The following MAPK14 variants were observed in gnomAD, a reference collection of about 807,000 sequenced individuals.
The protein encoded by MAPK14 is CSAID-binding protein.
A neutral mutation model predicts 49.6 loss-of-function variants in MAPK14; 16 were observed. The observed-to-expected ratio is 0.32, with a 90% CI of 0.22 to 0.49. The LOEUF is 0.49. MAPK14 is among the 20% of genes least tolerant of loss of function. The pLI, the probability that MAPK14 is intolerant of heterozygous loss-of-function variation, is 0.99. For missense variants in MAPK14, 200 were observed against 441.2 expected (o/e 0.45, Z 4.90); for synonymous variants, 142 against 158.0 (o/e 0.90, Z 0.76).
chr6:36,106,839 C>A (rs2127476264), intron 10 of MAPK14, among the ~76,000 whole-genome samples: 1 of 151,988 alleles, frequency 6.6e-6, no homozygotes, highest in South Asian at 2.1e-4. Flanking sequence ...CATGTAAAAC[C>A]CCCAGTTTAT....
chr6:36,035,015 C>T (rs1762687417), intron 1 of MAPK14, among the ~76,000 whole-genome samples: 1 of 151,466 alleles, frequency 6.6e-6, no homozygotes, highest in Admixed American at 6.6e-5. Flanking sequence ...TCTCCTGCCT[C>T]AGCCTCCCAA....
At chr6:36,037,122 T>C (rs1423505119) in intron 1 of MAPK14, among the ~76,000 whole-genome samples, 1 of 152,190 alleles carries the variant, frequency 6.6e-6, no homozygotes, top group Non-Finnish European at 1.5e-5. Context: ...TAGACTACAG[T>C]ATCATGTAAA....
the MAPK14 span, among the ~76,000 whole-genome samples, chr6:36,121,127 G>A: frequency 6.6e-6 from 1 of 152,030 alleles, no homozygotes; most frequent in Admixed American, 6.6e-5. Flanking sequence ...AAGCAAAGAC[G>A]TGGTGACAGG....
chr6:36,075,685 C>T, intron 6 of MAPK14, 163 bp from the exon 7 acceptor site: 1 of 887,394 alleles, frequency 1.1e-6, no homozygotes, highest in Non-Finnish European at 1.8e-6. Context: ...TGTATATTTA[C>T]CATACATTCT....
chr6:36,099,320 G>A (rs1431677110), intron 9 of MAPK14, among the ~76,000 whole-genome samples: 1 of 152,174 alleles, frequency 6.6e-6, no homozygotes, highest in East Asian at 1.9e-4. Context: ...TTTAGAAGAG[G>A]GTGAGTTGTA....
chr6:36,098,384 A>G lies in MAPK14; in HGVS notation c.762+2318A>G, dbSNP rs138487031. On this transcript the variant is annotated intron_variant, in intron 9 of 11. Coordinates refer to ENST00000229794, the MANE Select transcript of MAPK14 (RefSeq NM_139012.3). ...AACAAGAAAATCATATTAAGAAAGC[A>G]AAAGCAGACTGGGCACAGTGGCTCA... Among the ~76,000 whole-genome samples, 792 of 152,314 alleles carry G rather than the reference A, an allele frequency of 5.2e-3. 11 individuals carry two copies. The highest frequency in any genetic ancestry group is 0.018 in the African/African-American group (761 of 41,574).
chr6:36,089,584 A>G (rs796132281), intron 8 of MAPK14, among the ~76,000 whole-genome samples: 2 of 152,320 alleles, frequency 1.3e-5, no homozygotes, highest in African/African-American at 4.8e-5. Context: ...TTTTGTCTTA[A>G]AGCCAATAAT....
At chr6:36,100,250 A>T in intron 9 of MAPK14, 1 of 1,613,600 alleles carries the variant, frequency 6.2e-7, no homozygotes, top group Non-Finnish European at 8.5e-7. Flanking sequence ...TCTCATTAAC[A>T]GGATGCCAAG....
At chr6:36,076,926 A>G (rs756077592) in intron 8 of MAPK14, 11 of 204,702 alleles carry the variant, frequency 5.4e-5, no homozygotes, top group Non-Finnish European at 8.8e-5. Flanking sequence ...TCCAGATCCC[A>G]GTGACAGTTT....
At chr6:36,066,741 GGTGTGT>G (rs10653139) in intron 3 of MAPK14, among the ~76,000 whole-genome samples, 20 of 149,572 alleles carry the variant, frequency 1.3e-4, no homozygotes, top group Non-Finnish European at 1.6e-4. Flanking sequence ...ATGAATTCTG[GGTGTGT>G]GTGTGTGTGT....
chr6:36,082,609 G>T (rs1764809721), intron 8 of MAPK14, among the ~76,000 whole-genome samples: 1 of 152,174 alleles, frequency 6.6e-6, no homozygotes, highest in African/African-American at 2.4e-5. Flanking sequence ...CAAGAGAGAT[G>T]CCAGACTCTT....
chr6:36,065,343 A>G (rs1764004072), intron 3 of MAPK14, among the ~76,000 whole-genome samples: 1 of 152,216 alleles, frequency 6.6e-6, no homozygotes, highest in African/African-American at 2.4e-5. Context: ...AGAGTGCTAA[A>G]GGACTGCATA....
At chr6:36,119,922 G>A in the MAPK14 span, among the ~76,000 whole-genome samples, 1 of 152,090 alleles carries the variant, frequency 6.6e-6, no homozygotes, top group African/African-American at 2.4e-5. Flanking sequence ...AGATGCATAC[G>A]TATATAGTAA....
chr6:36,034,719 T>A lies in MAPK14; in HGVS notation c.116+6446T>A, dbSNP rs115294478. ...TGTCTTTCACAGTGCTTCCATAAAT[T>A]AAGCACAGGCACAACTCGTTTTATT... is the stretch of plus-strand genomic sequence containing the variant. On this transcript the variant is annotated intron_variant, in intron 1 of 11. Transcript: ENST00000229794. 9.9e-5 allele frequency among the ~76,000 whole-genome samples: 15 copies of A among 152,222 alleles called. No individual in the cohort carries two copies. The South Asian group carries it at 1.4e-3, about 15-fold the overall frequency.
At position 36,109,061 on chromosome 6, in the gene MAPK14, AG is replaced by A. The variant is rs1279218613; in HGVS notation, c.*616del. 1 of 153,034 alleles carries A rather than the reference AG, an allele frequency of 6.5e-6. No individual in the cohort carries two copies. Among genetic ancestry groups the A allele is most frequent in the African/African-American group, 2.4e-5 (1 of 41,450 alleles). 9.5% of individuals were successfully genotyped at this position (153,034 alleles called of 1,614,324 possible). A position where few individuals can be genotyped will look rare whatever the true frequency, so the allele number is the denominator to read the frequency against. On this transcript the variant is annotated 3_prime_UTR_variant, in exon 12 of 12. Transcript: ENST00000229794. ...ACTGTAAATATGTTTGTGCCTTAAAAGGAGAGAAGAAAGTGTAGATAGTTAA... is the reference window on the plus strand; with the variant it reads ...ACTGTAAATATGTTTGTGCCTTAAAAGAGAGAAGAAAGTGTAGATAGTTAA...
chr6:36,031,113 C>T (rs921798675), intron 1 of MAPK14, among the ~76,000 whole-genome samples: 3 of 152,212 alleles, frequency 2.0e-5, no homozygotes, highest in South Asian at 2.1e-4. Flanking sequence ...CTCCTGGGTT[C>T]AAGCGATTCT....
intron 8 of MAPK14, among the ~76,000 whole-genome samples, chr6:36,094,863 G>C (rs1224384766): frequency 6.6e-6 from 1 of 152,110 alleles, no homozygotes; most frequent in Non-Finnish European, 1.5e-5. Flanking sequence ...GAATTGGGGG[G>C]TGGGGTGTTA....
chr6:36,061,715 A>G (rs1763829237), intron 3 of MAPK14, among the ~76,000 whole-genome samples: 1 of 152,200 alleles, frequency 6.6e-6, no homozygotes. Context: ...GTTGGGGGAA[A>G]CGAATTCAAA....
chr6:36,045,828 A>G (rs903850951), intron 1 of MAPK14, among the ~76,000 whole-genome samples: 3 of 151,062 alleles, frequency 2.0e-5, no homozygotes, highest in Non-Finnish European at 3.0e-5. Context: ...AAAAAAAAAA[A>G]AAAAAGAAAG....
Sources: allele counts gnomAD v4.1 joint callset (sites outside exome capture counted in the v4.1 genomes callset), GRCh38; gene constraint gnomAD v4.1.1; transcripts MANE v1.5; gene names NCBI Gene and HGNC (gene_info 2026-07-23, HGNC 2026-07-21).